The following NEB variants were observed in gnomAD, a reference collection of about 807,000 sequenced individuals.
NEB encodes nemaline myopathy type 2.
NEB carries 512 observed loss-of-function variants against 952.2 expected under a neutral mutation model. The ratio of observed to expected loss-of-function variants is 0.54; its 90% CI spans 0.50 to 0.58. The LOEUF is 0.58. Ranked by LOEUF, NEB falls within the 20% of genes least tolerant of loss-of-function variation. NEB has a pLI of 0.00. For missense variants in NEB, 8,428 were observed against 9,231.1 expected, an observed-to-expected ratio of 0.91 and a Z score of 3.56; for synonymous variants, 2,900 against 3,149.8, an observed-to-expected ratio of 0.92 and a Z score of 2.66.
chr2:151,546,296 C>T, intron 134 of NEB, 49 bp downstream of exon 134: 1 of 1,428,838 alleles, frequency 7.0e-7, no homozygotes, highest in Non-Finnish European at 9.7e-7. Flanking sequence ...GTGATGGGGG[C>T]ATCCAGCTGT....
At chr2:151,567,023 CT>C in intron 114 of NEB, 144 bp downstream of exon 114, 3 of 697,026 alleles carry the variant, frequency 4.3e-6, no homozygotes, top group Non-Finnish European at 4.6e-6. Flanking sequence ...CCTGATCTTT[CT>C]TCATATCCAG....
intron 129 of NEB, among the ~76,000 whole-genome samples, chr2:151,550,266 C>CAA (rs57057802): frequency 1.3e-3 from 92 of 73,298 alleles, no homozygotes; most frequent in African/African-American, 2.5e-3. Flanking sequence ...ACCCTGTCTC[C>CAA]AAAAAAAAAA....
At chr2:151,665,196 C>A (rs1381742205) in intron 42 of NEB, 137 bp downstream of exon 42, 8 of 761,182 alleles carry the variant, frequency 1.1e-5, no homozygotes, top group Non-Finnish European at 1.5e-5. Context: ...ATAATGGAAG[C>A]AATAGAGTCC....
intron 129 of NEB, among the ~76,000 whole-genome samples, chr2:151,549,994 G>A (rs1283388849): frequency 6.6e-6 from 1 of 152,162 alleles, no homozygotes; most frequent in South Asian, 2.1e-4. Flanking sequence ...CTGGCCAGGT[G>A]TGGTAGCTGA....
At chr2:151,651,720 G>A (rs1484067252) in intron 52 of NEB, among the ~76,000 whole-genome samples, 1 of 152,108 alleles carries the variant, frequency 6.6e-6, no homozygotes, top group Non-Finnish European at 1.5e-5. Flanking sequence ...TATACTAACA[G>A]CATTTACTTG....
At chr2:151,571,549 A>G (rs959497198) in intron 107 of NEB, among the ~76,000 whole-genome samples, 2 of 151,980 alleles carry the variant, frequency 1.3e-5, no homozygotes, top group Non-Finnish European at 2.9e-5. Flanking sequence ...TTTTTTCAAT[A>G]TGGCTTTTTT....
At position 151,672,403 on chromosome 2, in the gene NEB, T is replaced by G. The variant is rs767635530; in HGVS notation, c.4265A>C (p.Glu1422Ala). The G allele has an allele frequency of 8.1e-6, 13 of 1,610,828 alleles. No homozygotes were observed. The highest frequency in any genetic ancestry group is 1.1e-5 in the Non-Finnish European group (13 of 1,177,426). The change falls in exon 37 of 182, where the codon GAG becomes GCG. Residue 1422 changes from glutamate to alanine, a missense_variant. Around this residue, in one of 11 missense-constraint regions of NEB, gnomAD observed 2,851 missense variants for 2,791.5 expected, o/e 1.02. Coordinates refer to ENST00000397345, the MANE Select transcript of NEB (RefSeq NM_001164508.2). The stretch of plus-strand genomic sequence containing the variant: ...AATTTGATTGACATTCCTCGTATGC[T>G]CAAGACTCATGGCGTCAGGTAGGTA... ...YTYLPDAMSL[E>A]HTRNVNQIQS...
Position 151,554,958 on chromosome 2 carries a change from G to C in NEB, c.19401C>G (p.Cys6467Trp), listed in dbSNP as rs779551869. 1 of 1,613,642 alleles carries C rather than the reference G, an allele frequency of 6.2e-7. No homozygotes were observed. Among genetic ancestry groups the C allele is most frequent in the South Asian group, 1.1e-5 (1 of 91,074 alleles). ...CGATGTTAAGCTTGCCAACTCGGAG[G>C]CACCGTGCTGTGTTCGGATCATCGT... ...SVDDDPNTAR[C>W]LRVGKLNIDR... The change falls in exon 125 of 182, where the codon TGC (cysteine) becomes TGG (tryptophan). Residue 6467 changes from cysteine to tryptophan, a missense_variant. Transcript: ENST00000397345.
intron 105 of NEB, among the ~76,000 whole-genome samples, chr2:151,578,368 G>T (rs1297071275): frequency 6.6e-6 from 1 of 150,582 alleles, no homozygotes; most frequent in Non-Finnish European, 1.5e-5. Context: ...TTGATTCATA[G>T]CTGAAGGACC....
chr2:151,686,483 C>A (rs1398326224), intron 27 of NEB, among the ~76,000 whole-genome samples: 1 of 152,148 alleles, frequency 6.6e-6, no homozygotes, highest in Non-Finnish European at 1.5e-5. Context: ...AAAGACTCAA[C>A]TAGTGAACAA....
In NEB at chr2:151,650,691, C is replaced by T; in HGVS notation, c.7110G>A (p.Lys2370=). The T allele has an allele frequency of 6.2e-7, 1 of 1,613,978 alleles. No homozygotes were observed. Among genetic ancestry groups the T allele is most frequent in the Admixed American group, 1.7e-5 (1 of 60,024 alleles). The change falls in exon 53 of 182, where the codon AAG becomes AAA. Residue 2370 remains lysine, a synonymous_variant. Coordinates refer to ENST00000397345, the MANE Select transcript of NEB (RefSeq NM_001164508.2). The part of the protein sequence containing the change: ...PVDMLGVVLA[K]KCQELVSDVD... ...CGTCACTAACCAACTCCTGACACTT[C>T]TTGGCCAGTACCACTCCCAACATGT... is the stretch of plus-strand genomic sequence containing the variant.
chr2:151,509,999 C>T (rs551325251), intron 161 of NEB, among the ~76,000 whole-genome samples: 17 of 152,192 alleles, frequency 1.1e-4, no homozygotes, highest in Non-Finnish European at 2.4e-4. Flanking sequence ...CAGAGCTTAC[C>T]TTTTAAGCTA....
chr2:151,535,882 G>C, intron 141 of NEB, 87 bp from the exon 142 acceptor site: 1 of 703,724 alleles, frequency 1.4e-6, no homozygotes, highest in Non-Finnish European at 2.3e-6. Flanking sequence ...ATATAATTGT[G>C]ATAATTAATT....
At chr2:151,504,045 A>C (rs1303088172) in intron 165 of NEB, among the ~76,000 whole-genome samples, 1 of 152,090 alleles carries the variant, frequency 6.6e-6, no homozygotes, top group Non-Finnish European at 1.5e-5. Context: ...AGAAGTCCAT[A>C]TTTTTTAGTA....
Position 151,692,265 on chromosome 2 carries a change from C to A in NEB, c.1994G>T (p.Ser665Ile), listed in dbSNP as rs760782398. Residue 665 changes from serine (S) to isoleucine (I), a missense_variant, in exon 21 of 182, where the codon AGT (serine) becomes ATT (isoleucine). By Grantham distance (142) the Ser-to-Ile change is moderately radical. This residue lies in a region of NEB where 2,851 missense variants were observed against 2,791.5 expected (regional missense o/e 1.02). Transcript: ENST00000397345. ...GGTAACCGTGGCTTTTCGAACCTCA[C>A]TGAAGTTCTTCAGCTGAGTATCAAG... The part of the protein sequence containing the change: ...YQLDTQLKNF[S>I]EARYKDLYVK... The A allele has an allele frequency of 8.1e-6, 13 of 1,613,520 alleles. No individual in the cohort carries two copies. Among genetic ancestry groups the A allele is most frequent in the Non-Finnish European group, 1.7e-6 (2 of 1,179,616 alleles).
intron 38 of NEB, among the ~76,000 whole-genome samples, chr2:151,670,709 C>A (rs1203490790): frequency 6.6e-6 from 1 of 152,168 alleles, no homozygotes; most frequent in Non-Finnish European, 1.5e-5. Context: ...TTTTGCAATT[C>A]ATACAGAGCC....
At position 151,565,036 on chromosome 2, in the gene NEB, G is replaced by C; in HGVS notation, c.18471+8C>G. Reference sequence around the variant, plus strand: ...AATTGAGTGGTTATTACATAAAAGAGAACTTACAGTACTGTAGAGTTTTCC... The same window carrying C: ...AATTGAGTGGTTATTACATAAAAGACAACTTACAGTACTGTAGAGTTTTCC... On this transcript the variant is annotated splice_region_variant and intron_variant, in intron 117 of 181. Transcript: ENST00000397345. The C allele has an allele frequency of 3.4e-6, 5 of 1,491,510 alleles. No homozygotes were observed. Among genetic ancestry groups the C allele is most frequent in the Non-Finnish European group, 4.6e-6 (5 of 1,083,024 alleles). 92.4% of individuals were successfully genotyped at this position (1,491,510 alleles called of 1,614,324 possible).
In NEB at chr2:151,724,865, C is replaced by T. The variant is rs1351648399; in HGVS notation, c.499G>A (p.Val167Ile). The T allele has an allele frequency of 6.2e-7, 1 of 1,613,214 alleles. No homozygotes were observed. ...IEHAKKVSQQVSKVLYKQNWE... is the reference protein window; with the variant it reads ...IEHAKKVSQQISKVLYKQNWE... The stretch of plus-strand genomic sequence containing the variant: ...CCATATCATTGCCTTACCTTACTGA[C>T]TTGCTGCGACACTTTCTTTGCATGT... Residue 167 changes from valine to isoleucine, a missense_variant, in exon 7 of 182, where the codon GTC becomes ATC. Physicochemically the swap from Val to Ile is conservative, Grantham distance 29. Transcript: ENST00000397345.
At chr2:151,528,768 A>G (rs1412208228) in intron 146 of NEB, among the ~76,000 whole-genome samples, 1 of 152,238 alleles carries the variant, frequency 6.6e-6, no homozygotes, top group East Asian at 1.9e-4. Flanking sequence ...CGCAGGGAAT[A>G]TCTGAGCAGG....
Sources: allele counts gnomAD v4.1 joint callset (sites outside exome capture counted in the v4.1 genomes callset), GRCh38; gene constraint gnomAD v4.1.1; regional missense constraint gnomAD v4.1.1; transcripts MANE v1.5; gene names NCBI Gene and HGNC (gene_info 2026-07-23, HGNC 2026-07-21).